POU6F2: variants seen among roughly 807,000 people sequenced by gnomAD.
POU6F2 encodes the protein POU class 6 homeobox 2.
In POU6F2, 31 loss-of-function variants were observed where a neutral mutation model predicts 71.3. The ratio of observed to expected loss-of-function variants is 0.43; its 90% CI spans 0.33 to 0.59. POU6F2 has a LOEUF of 0.59. Ranked by LOEUF, POU6F2 falls within the 20% of genes least tolerant of loss-of-function variation. The pLI is 0.04. For synonymous variants in POU6F2, 347 were observed against 355.7 expected, an observed-to-expected ratio of 0.98 and a Z score of 0.27; for missense variants, 783 against 856.8, an observed-to-expected ratio of 0.91 and a Z score of 1.07.
chr7:39,088,628 C>T (rs1037244119), intron 2 of POU6F2, among the ~76,000 whole-genome samples: 1 of 152,092 alleles, frequency 6.6e-6, no homozygotes, highest in South Asian at 2.1e-4. Context: ...TATATATACA[C>T]CGTATTATTG....
intron 1 of POU6F2, among the ~76,000 whole-genome samples, chr7:39,081,463 T>C (rs1791116778): frequency 6.6e-6 from 1 of 152,238 alleles, no homozygotes; most frequent in African/African-American, 2.4e-5. Context: ...TCTTTCATTG[T>C]AGAGTATCTT....
At chr7:39,407,291 G>A (rs1787455457) in intron 6 of POU6F2, among the ~76,000 whole-genome samples, 1 of 151,810 alleles carries the variant, frequency 6.6e-6, no homozygotes, top group Non-Finnish European at 1.5e-5. Flanking sequence ...CATGGTCCCT[G>A]GCCTCCTGCC....
At chr7:39,021,514 T>TA (rs886098290) in intron 1 of POU6F2, among the ~76,000 whole-genome samples, 5 of 151,980 alleles carry the variant, frequency 3.3e-5, no homozygotes, top group Non-Finnish European at 5.9e-5. Flanking sequence ...CATAATGTAT[T>TA]AAAAAATAAA....
Position 39,464,037 on chromosome 7 carries a change from C to T in POU6F2, c.1659-145C>T. 1 of 1,071,378 alleles carries T rather than the reference C, an allele frequency of 9.3e-7. No individual in the cohort carries two copies. Among genetic ancestry groups the T allele is most frequent in the Non-Finnish European group, 1.4e-6 (1 of 733,102 alleles). The allele number at this position is 1,071,378 out of a possible 1,614,324, so 66.4% of individuals were successfully genotyped here. A position where few individuals can be genotyped will look rare whatever the true frequency, so the allele number is the denominator to read the frequency against. On this transcript the variant is annotated intron_variant, in intron 9 of 9. Transcript: ENST00000518318. The surrounding 1 kb of genome is among the most constrained non-coding windows in gnomAD (Gnocchi z 4.1). ...ATGGAGCACGCTGGGAGGGTGGGCG[C>T]TGGCTTGGGCAGGGCTGGCTACCTT...
chr7:39,464,587 G>A lies in POU6F2; in HGVS notation c.2064G>A (p.Arg688=), dbSNP rs1411639593. 6 of 1,611,772 alleles carry A rather than the reference G, an allele frequency of 3.7e-6. No individual in the cohort carries two copies. The highest frequency in any genetic ancestry group is 5.1e-6 in the Non-Finnish European group (6 of 1,178,984). ...EVVRVWFCNK[R]QALKNTIKRL... is the part of the protein sequence containing the mutation. Reference sequence around the variant, plus strand: ...TTAGAGTTTGGTTCTGCAATAAGAGGCAAGCCCTGAAGAACACAATTAAAC... The same window carrying A: ...TTAGAGTTTGGTTCTGCAATAAGAGACAAGCCCTGAAGAACACAATTAAAC... Residue 688 remains arginine, a synonymous_variant, in exon 10 of 10, where the codon AGG becomes AGA. Transcript: ENST00000518318. This position sits in a 1 kb window ranked among gnomAD's most constrained non-coding sequence, Gnocchi z 4.1.
chr7:39,350,513 T>C (rs891700643), intron 5 of POU6F2, among the ~76,000 whole-genome samples: 1 of 152,178 alleles, frequency 6.6e-6, no homozygotes, highest in Non-Finnish European at 1.5e-5. Flanking sequence ...TCACCTCCAG[T>C]AGTCTGCACT....
At chr7:39,286,067 C>T (rs1218543981) in intron 4 of POU6F2, among the ~76,000 whole-genome samples, 1 of 152,202 alleles carries the variant, frequency 6.6e-6, no homozygotes, top group Admixed American at 6.5e-5. Context: ...CTCATCTCTA[C>T]TTGTTGACCA....
chr7:39,408,055 G>T (rs1305501225), intron 6 of POU6F2, among the ~76,000 whole-genome samples: 3 of 152,192 alleles, frequency 2.0e-5, no homozygotes, highest in Non-Finnish European at 4.4e-5. Context: ...CTAAATGGAG[G>T]CTCTCAAAAG....
intron 4 of POU6F2, among the ~76,000 whole-genome samples, chr7:39,280,149 G>A (rs1353952490): frequency 6.6e-6 from 1 of 152,110 alleles, no homozygotes; most frequent in Non-Finnish European, 1.5e-5. Context: ...TCCAAGTAAG[G>A]TCACACTCTG....
At chr7:39,142,151 A>G (rs1202077663) in intron 2 of POU6F2, among the ~76,000 whole-genome samples, 1 of 152,196 alleles carries the variant, frequency 6.6e-6, no homozygotes, top group African/African-American at 2.4e-5. Flanking sequence ...CTCTTCTAAT[A>G]AAACTCCAAA....
chr7:39,032,204 TA>T (rs1028137345), intron 1 of POU6F2, among the ~76,000 whole-genome samples: 18 of 152,312 alleles, frequency 1.2e-4, no homozygotes, highest in African/African-American at 4.1e-4. Context: ...CCTTATTTCT[TA>T]GGATTCTTAA....
intron 2 of POU6F2, among the ~76,000 whole-genome samples, chr7:39,127,301 T>C (rs1334273931): frequency 2.0e-5 from 3 of 152,202 alleles, no homozygotes; most frequent in Non-Finnish European, 4.4e-5. Context: ...AGAAGCCATG[T>C]TTCCTTACCA....
chr7:39,230,065 A>T (rs1242693549), intron 4 of POU6F2, among the ~76,000 whole-genome samples: 1 of 152,234 alleles, frequency 6.6e-6, no homozygotes, highest in Admixed American at 6.5e-5. Flanking sequence ...GTGGAGTCCA[A>T]GTTTGAACTT....
intron 6 of POU6F2, among the ~76,000 whole-genome samples, chr7:39,431,971 A>G (rs1788111649): frequency 6.6e-6 from 1 of 152,156 alleles, no homozygotes; most frequent in Admixed American, 6.5e-5. Flanking sequence ...GGAGGCAGAA[A>G]AGCATCCACA....
At chr7:39,084,222 G>A (rs986237554) in intron 1 of POU6F2, among the ~76,000 whole-genome samples, 12 of 151,844 alleles carry the variant, frequency 7.9e-5, no homozygotes, top group Non-Finnish European at 1.2e-4. Context: ...TTTATTATAT[G>A]TTTCACAACC....
chr7:39,093,512 G>A (rs1460008903), intron 2 of POU6F2, among the ~76,000 whole-genome samples: 2 of 152,010 alleles, frequency 1.3e-5, no homozygotes, highest in Non-Finnish European at 2.9e-5. Flanking sequence ...ACAATTTAAT[G>A]AATACGTGTA....
chr7:39,017,305 C>G lies in POU6F2; in HGVS notation c.105+39247C>G, dbSNP rs962299801. Reference sequence around the variant, plus strand: ...ATATGTGCACTGGGCTGCGTGTGAACATGTTATGTAGATTTGTTAGTGATT... The same window carrying G: ...ATATGTGCACTGGGCTGCGTGTGAAGATGTTATGTAGATTTGTTAGTGATT... On this transcript the variant is annotated intron_variant, in intron 1 of 9. Transcript: ENST00000518318. Among the ~76,000 whole-genome samples the G allele has an allele frequency of 2.6e-5, 4 of 152,252 alleles. No homozygotes were observed. The East Asian group carries it at 7.7e-4, about 29-fold the overall frequency.
chr7:39,057,366 A>T (rs1034148869), intron 1 of POU6F2, among the ~76,000 whole-genome samples: 16 of 152,106 alleles, frequency 1.1e-4, no homozygotes, highest in African/African-American at 3.6e-4. Flanking sequence ...TTTTCTGTTT[A>T]ATTTACATTT....
At chr7:39,216,169 C>T (rs1317540501) in intron 4 of POU6F2, among the ~76,000 whole-genome samples, 1 of 152,130 alleles carries the variant, frequency 6.6e-6, no homozygotes, top group Non-Finnish European at 1.5e-5. Context: ...AGGAGGAGCA[C>T]AAAATTGGAA....
Sources: gnomAD v4.1 joint callset for allele counts (sites outside exome capture counted in the v4.1 genomes callset) on GRCh38, gnomAD v4.1.1 for gene constraint, Gnocchi (gnomAD v3.1) non-coding constraint, MANE v1.5 for transcripts, NCBI Gene and HGNC (gene_info 2026-07-23, HGNC 2026-07-21) for gene names.